MVB12B: variants seen among roughly 807,000 people sequenced by gnomAD.
The protein encoded by MVB12B is ESCRT-I complex subunit MVB12B.
MVB12B carries 16 observed loss-of-function variants against 41.6 expected under a neutral mutation model. The ratio of observed to expected loss-of-function variants is 0.38; its 90% CI spans 0.26 to 0.58. The LOEUF is 0.58. MVB12B is among the 20% of genes least tolerant of loss of function. The pLI is 0.62. For synonymous variants in MVB12B, 133 were observed against 139.7 expected, an observed-to-expected ratio of 0.95 and a Z score of 0.34; for missense variants, 274 against 380.2, an observed-to-expected ratio of 0.72 and a Z score of 2.32.
At chr9:126,464,884 G>C (rs1833166525) in intron 7 of MVB12B, among the ~76,000 whole-genome samples, 1 of 152,230 alleles carries the variant, frequency 6.6e-6, no homozygotes, top group African/African-American at 2.4e-5. Context: ...GGGAATGCCA[G>C]TGCCAGGGCC....
chr9:126,349,258 T>G (rs568343957), intron 2 of MVB12B, among the ~76,000 whole-genome samples: 1 of 152,262 alleles, frequency 6.6e-6, no homozygotes, highest in Admixed American at 6.5e-5. Context: ...GGGAATCGTG[T>G]CCTGGACTGC....
chr9:126,420,561 CTTTTTTTTTTTTTTTTTTTTTTT>C (rs567217742), intron 6 of MVB12B, among the ~76,000 whole-genome samples: 1 of 98,868 alleles, frequency 1.0e-5, no homozygotes, highest in African/African-American at 4.6e-5. Context: ...TCCCAGGAGT[CTTTTTTTTTTTTTTTTTTTTTTT>C]TTTTTTTTTT....
intron 9 of MVB12B, among the ~76,000 whole-genome samples, chr9:126,492,774 G>GTTGA (rs1833759729): frequency 1.3e-5 from 2 of 152,242 alleles, no homozygotes; most frequent in South Asian, 4.1e-4. Context: ...AGCCCAGGAA[G>GTTGA]TTGAGGCTGC....
intron 6 of MVB12B, among the ~76,000 whole-genome samples, chr9:126,398,932 A>G (rs762786218): frequency 6.6e-6 from 1 of 152,232 alleles, no homozygotes. Flanking sequence ...CTTCAGACAA[A>G]GGTGGATCTT....
chr9:126,337,878 T>A (rs1829327038), intron 1 of MVB12B, among the ~76,000 whole-genome samples: 1 of 152,252 alleles, frequency 6.6e-6, no homozygotes, highest in Admixed American at 6.5e-5. Flanking sequence ...GGGCCATCCT[T>A]CCTGGCTTGA....
intron 7 of MVB12B, among the ~76,000 whole-genome samples, chr9:126,475,675 T>G (rs2119197066): frequency 6.6e-6 from 1 of 152,256 alleles, no homozygotes; most frequent in Middle Eastern, 3.4e-3. Flanking sequence ...ACTGTGAGCT[T>G]CAGCCCATGG....
chr9:126,461,084 G>A lies in MVB12B; in HGVS notation c.758-20285G>A, dbSNP rs76342573. ...GGACCAGACATCCAGGTGGGTGGCAGAGCTATTCACAGGGATCAGGAAAAC... is the reference window on the plus strand; with the variant it reads ...GGACCAGACATCCAGGTGGGTGGCAAAGCTATTCACAGGGATCAGGAAAAC... On this transcript the variant is annotated intron_variant, in intron 7 of 9. Coordinates refer to ENST00000361171, the MANE Select transcript of MVB12B (RefSeq NM_033446.3). 5.1e-3 allele frequency among the ~76,000 whole-genome samples: 771 copies of A among 152,312 alleles called. 12 individuals are homozygous for A. The highest frequency in any genetic ancestry group is 0.018 in the African/African-American group (743 of 41,560).
chr9:126,467,367 C>T (rs751515393), intron 7 of MVB12B, among the ~76,000 whole-genome samples: 21 of 152,186 alleles, frequency 1.4e-4, no homozygotes, highest in African/African-American at 3.6e-4. Flanking sequence ...GGGAGGCCCA[C>T]GGTGCTGGTG....
intron 7 of MVB12B, among the ~76,000 whole-genome samples, chr9:126,467,795 A>G (rs2119185661): frequency 6.6e-6 from 1 of 152,286 alleles, no homozygotes; most frequent in East Asian, 1.9e-4. Context: ...TTCTGGCACA[A>G]CAAGATGTTC....
chr9:126,483,226 C>G (rs1384770495), intron 8 of MVB12B, among the ~76,000 whole-genome samples: 1 of 152,208 alleles, frequency 6.6e-6, no homozygotes, highest in Non-Finnish European at 1.5e-5. Context: ...GGACTGGACG[C>G]CCTCTGCCCT....
In MVB12B at chr9:126,367,732, C is replaced by A. The variant is rs1171299086; in HGVS notation, c.205-13332C>A. Among the ~76,000 whole-genome samples the A allele has an allele frequency of 2.6e-5, 4 of 152,220 alleles. No homozygotes were observed. The highest frequency in any genetic ancestry group is 9.6e-5 in the African/African-American group (4 of 41,456). On this transcript the variant is annotated intron_variant, in intron 2 of 9. Coordinates refer to ENST00000361171, the MANE Select transcript of MVB12B (RefSeq NM_033446.3). The surrounding 1 kb of genome is among the most constrained non-coding windows in gnomAD (Gnocchi z 4.3). ...ACACAGTATTTATTTCACACAATAACCCTGCCAAGTTACTATTGCAGTCTT... is the reference window on the plus strand; with the variant it reads ...ACACAGTATTTATTTCACACAATAAACCTGCCAAGTTACTATTGCAGTCTT...
At chr9:126,339,727 C>T (rs1829386597) in intron 1 of MVB12B, among the ~76,000 whole-genome samples, 1 of 152,192 alleles carries the variant, frequency 6.6e-6, no homozygotes, top group Non-Finnish European at 1.5e-5. Context: ...TATCACATTT[C>T]TGACCAGTTA....
chr9:126,499,246 G>GGGACCCCTGGCAGAGCCTCCA (rs1333248374), intron 9 of MVB12B, among the ~76,000 whole-genome samples: 4 of 151,984 alleles, frequency 2.6e-5, no homozygotes, highest in African/African-American at 9.7e-5. Flanking sequence ...CAGGGTCCCC[G>GGGACCCCTGGCAGAGCCTCCA]GGACCCCTGG....
chr9:126,403,440 G>A (rs989373945), intron 6 of MVB12B, among the ~76,000 whole-genome samples: 4 of 152,158 alleles, frequency 2.6e-5, no homozygotes, highest in Admixed American at 6.5e-5. Context: ...GGCCTGCGTC[G>A]TTTTCCTTCT....
chr9:126,404,390 C>G (rs970064880), intron 6 of MVB12B, among the ~76,000 whole-genome samples: 3 of 152,244 alleles, frequency 2.0e-5, no homozygotes, highest in African/African-American at 7.2e-5. Context: ...GGGCTAGGAT[C>G]TGCACCCAAG....
At chr9:126,368,784 G>A (rs1462943506) in intron 2 of MVB12B, among the ~76,000 whole-genome samples, 6 of 152,054 alleles carry the variant, frequency 3.9e-5, no homozygotes, top group Non-Finnish European at 7.4e-5. Flanking sequence ...AACAGCCAAG[G>A]CTTAAGTACC....
chr9:126,432,972 C>A (rs1389853728), intron 7 of MVB12B, among the ~76,000 whole-genome samples: 1 of 152,050 alleles, frequency 6.6e-6, no homozygotes, highest in South Asian at 2.1e-4. Flanking sequence ...CAGAGTGAGG[C>A]CTTTGACACT....
intron 2 of MVB12B, among the ~76,000 whole-genome samples, chr9:126,371,055 G>T (rs1197123633): frequency 6.6e-6 from 1 of 152,140 alleles, no homozygotes; most frequent in Non-Finnish European, 1.5e-5. Context: ...CTGTAGTGAC[G>T]ATCAGGTGTC....
At chr9:126,447,663 G>A (rs189358473) in intron 7 of MVB12B, among the ~76,000 whole-genome samples, 3 of 152,250 alleles carry the variant, frequency 2.0e-5, no homozygotes, top group African/African-American at 7.2e-5. Flanking sequence ...CACAGTGTTT[G>A]AGATACACTC....
Sources: allele counts gnomAD v4.1 joint callset (sites outside exome capture counted in the v4.1 genomes callset), GRCh38; gene constraint gnomAD v4.1.1; non-coding constraint Gnocchi (gnomAD v3.1); transcripts MANE v1.5; gene names NCBI Gene and HGNC (gene_info 2026-07-23, HGNC 2026-07-21).